Variants in ICA1 observed in about 807,000 individuals in gnomAD.
The protein encoded by ICA1 is islet cell autoantigen 1.
A neutral mutation model predicts 71.0 loss-of-function variants in ICA1; 40 were observed. That is an observed-to-expected ratio of 0.56 (90% CI 0.44 to 0.73). The LOEUF (loss-of-function observed/expected upper bound fraction) is 0.73, where lower values mean the gene tolerates loss of function less well. ICA1 is among the 30% of genes least tolerant of loss of function. The pLI is 0.00. For missense variants in ICA1, 578 were observed against 576.5 expected (o/e 1.00, Z -0.03); for synonymous variants, 207 against 209.5 (o/e 0.99, Z 0.10).
intron 6 of ICA1, among the ~76,000 whole-genome samples, chr7:8,160,550 T>C (rs1803370756): frequency 6.6e-6 from 1 of 152,196 alleles, no homozygotes; most frequent in African/African-American, 2.4e-5. Flanking sequence ...TACCCAGAAA[T>C]ACAAGTTTTC....
intron 6 of ICA1, among the ~76,000 whole-genome samples, chr7:8,172,640 C>T (rs1352550091): frequency 1.3e-5 from 2 of 152,122 alleles, no homozygotes; most frequent in Non-Finnish European, 2.9e-5. Flanking sequence ...ACTCATTCTG[C>T]TTTGAAATAA....
chr7:8,154,771 G>A (rs1242141319), intron 8 of ICA1, among the ~76,000 whole-genome samples: 4 of 152,306 alleles, frequency 2.6e-5, no homozygotes, highest in Admixed American at 2.6e-4. Context: ...GGGTTGGGAA[G>A]TCACACAATA....
chr7:8,131,555 C>T (rs1178601605), intron 12 of ICA1, among the ~76,000 whole-genome samples: 1 of 152,198 alleles, frequency 6.6e-6, no homozygotes, highest in African/African-American at 2.4e-5. Context: ...TAACAGGCCA[C>T]ACAGTGCACA....
chr7:8,203,195 G>GAT (rs1378311733), intron 6 of ICA1, among the ~76,000 whole-genome samples: 4 of 151,698 alleles, frequency 2.6e-5, no homozygotes, highest in Non-Finnish European at 5.9e-5. Flanking sequence ...GAGTGTCTGT[G>GAT]ATATACAAAT....
intron 6 of ICA1, among the ~76,000 whole-genome samples, chr7:8,194,753 G>A (rs368280438): frequency 2.4e-4 from 37 of 152,136 alleles, no homozygotes; most frequent in East Asian, 2.3e-3. Flanking sequence ...GGCTATTGTC[G>A]TCACTTTTTT....
At position 8,132,517 on chromosome 7, in the gene ICA1, CAGCAG is replaced by C. The variant is rs1791847492; in HGVS notation, c.1061-4380_1061-4376del. Among the ~76,000 whole-genome samples the C allele has an allele frequency of 2.0e-5, 3 of 152,184 alleles. No individual in the cohort carries two copies. The highest frequency in any genetic ancestry group is 7.2e-5 in the African/African-American group (3 of 41,436). Reference sequence around the variant, plus strand: ...ATACTGAAATAGCTCTCTTGAAGGTCAGCAGTGAGATCCTCATTGCCAGTTCTGAG... The same window carrying C: ...ATACTGAAATAGCTCTCTTGAAGGTCTGAGATCCTCATTGCCAGTTCTGAG... On this transcript the variant is annotated intron_variant, in intron 12 of 13. Coordinates refer to ENST00000402384, the MANE Select transcript of ICA1 (RefSeq NM_001136020.3). The surrounding 1 kb of genome is among the most constrained non-coding windows in gnomAD (Gnocchi z 4.5).
At chr7:8,247,208 T>G (rs1806364478) in intron 1 of ICA1, among the ~76,000 whole-genome samples, 1 of 152,078 alleles carries the variant, frequency 6.6e-6, no homozygotes, top group South Asian at 2.1e-4. Flanking sequence ...TCCCAGAACT[T>G]TGGGAGGCCA....
In ICA1 at chr7:8,132,330, G is replaced by GCCTA. The variant is rs528067387; in HGVS notation, c.1061-4192_1061-4189dup. Reference sequence around the variant, plus strand: ...CTTCCCCTAGCCGCAGGAGATGTGTGCCTATCTCAACAATAATCAGCCTTC... The same window carrying GCCTA: ...CTTCCCCTAGCCGCAGGAGATGTGTGCCTACCTATCTCAACAATAATCAGCCTTC... On this transcript the variant is annotated intron_variant, in intron 12 of 13. Coordinates refer to ENST00000402384, the MANE Select transcript of ICA1 (RefSeq NM_001136020.3). This position sits in a 1 kb window ranked among gnomAD's most constrained non-coding sequence, Gnocchi z 4.5. 1.2e-4 allele frequency among the ~76,000 whole-genome samples: 19 copies of GCCTA among 152,220 alleles called. No individual in the cohort carries two copies. Among genetic ancestry groups the GCCTA allele is most frequent in the Non-Finnish European group, 1.9e-4 (13 of 68,012 alleles).
chr7:8,243,451 G>A (rs1315965276), intron 1 of ICA1, among the ~76,000 whole-genome samples: 1 of 152,146 alleles, frequency 6.6e-6, no homozygotes, highest in African/African-American at 2.4e-5. Flanking sequence ...CAAACCCACA[G>A]CCAATATCAT....
rs985737039 is a variant in ICA1, at chr7:8,130,999, C to T, written c.1061-2857G>A. On this transcript the variant is annotated intron_variant, in intron 12 of 13. Transcript: ENST00000402384. This position sits in a 1 kb window ranked among gnomAD's most constrained non-coding sequence, Gnocchi z 4.2. ...CCTTACCCTCCACCCCAGTGAATGA[C>T]TGATGAGGCTGGCCAGAGTCCTCCA... Among the ~76,000 whole-genome samples, 1 of 152,182 alleles carries T rather than the reference C, an allele frequency of 6.6e-6. No individual in the cohort carries two copies. Among genetic ancestry groups the T allele is most frequent in the East Asian group, 1.9e-4 (1 of 5,196 alleles).
At chr7:8,136,241 T>C (rs1793364754) in intron 12 of ICA1, among the ~76,000 whole-genome samples, 1 of 152,156 alleles carries the variant, frequency 6.6e-6, no homozygotes, top group Non-Finnish European at 1.5e-5. Flanking sequence ...GCTTAGCCAT[T>C]ACTTGTCTAA....
intron 13 of ICA1, among the ~76,000 whole-genome samples, chr7:8,124,508 G>T (rs1250606850): frequency 6.6e-6 from 1 of 151,658 alleles, no homozygotes; most frequent in Non-Finnish European, 1.5e-5. Context: ...TTTTTGAGGG[G>T]ATTGAGGGTC....
chr7:8,220,558 G>A (rs977509600), intron 5 of ICA1, among the ~76,000 whole-genome samples: 2 of 152,186 alleles, frequency 1.3e-5, no homozygotes, highest in African/African-American at 4.8e-5. Context: ...AAGGGAACGA[G>A]GAGGAGTGTC....
intron 6 of ICA1, among the ~76,000 whole-genome samples, chr7:8,191,159 T>C (rs936704649): frequency 1.3e-5 from 2 of 152,260 alleles, no homozygotes; most frequent in African/African-American, 2.4e-5. Context: ...ATAATGTCCC[T>C]GCTATCATCT....
chr7:8,149,186 C>A (rs1798008151), intron 8 of ICA1, among the ~76,000 whole-genome samples: 1 of 152,160 alleles, frequency 6.6e-6, no homozygotes, highest in Non-Finnish European at 1.5e-5. Context: ...CTGATGGGAG[C>A]CACATACGAA....
rs56773343 is a variant in ICA1 at position 8,197,574 on chromosome 7, AAATAATAAT to A, written c.579+20722_579+20730del. 3.5e-3 allele frequency among the ~76,000 whole-genome samples: 458 copies of A among 129,602 alleles called. 1 individual carries two copies. Among genetic ancestry groups the A allele is most frequent in the African/African-American group, 9.6e-3 (327 of 34,148 alleles). The allele number at this position is 129,602 out of a possible 152,430, so 85.0% of individuals were successfully genotyped here. A position where few individuals can be genotyped will look rare whatever the true frequency, so the allele number is the denominator to read the frequency against. On this transcript the variant is annotated intron_variant, in intron 6 of 13. Transcript: ENST00000402384. ...AAAAAAAAAAAAAAGAAGAAAGAAG[AAATAATAAT>A]AATAATAATAATAATAATAATAATA... is the stretch of plus-strand genomic sequence containing the variant.
chr7:8,187,606 T>C (rs1355566938), intron 6 of ICA1, among the ~76,000 whole-genome samples: 1 of 152,258 alleles, frequency 6.6e-6, no homozygotes, highest in Non-Finnish European at 1.5e-5. Flanking sequence ...TAGCTTACTG[T>C]AACTTTTTTA....
rs77360236 is a variant in ICA1 at position 8,195,134 on chromosome 7, T to C, written c.579+23171A>G. ...GCATATGAAAAAATGCCCAATATTG[T>C]ATGTCATTAGGGAACTGCAAATTAA... On this transcript the variant is annotated intron_variant, in intron 6 of 13. Coordinates refer to ENST00000402384, the MANE Select transcript of ICA1 (RefSeq NM_001136020.3). Among the ~76,000 whole-genome samples, 1,153 of 152,328 alleles carry C rather than the reference T, an allele frequency of 7.6e-3. 14 individuals carry two copies. The highest frequency in any genetic ancestry group is 0.027 in the African/African-American group (1,104 of 41,564).
At chr7:8,247,455 G>A (rs1031877310) in intron 1 of ICA1, among the ~76,000 whole-genome samples, 11 of 151,726 alleles carry the variant, frequency 7.2e-5, no homozygotes, top group Middle Eastern at 3.2e-3. Flanking sequence ...GTGAGATCCT[G>A]TATCAAAAAA....
Sources: gnomAD v4.1 joint callset for allele counts (sites outside exome capture counted in the v4.1 genomes callset) on GRCh38, gnomAD v4.1.1 for gene constraint, Gnocchi (gnomAD v3.1) non-coding constraint, MANE v1.5 for transcripts, NCBI Gene and HGNC (gene_info 2026-07-23, HGNC 2026-07-21) for gene names.